The following PCDHA2 variants were observed in gnomAD, a reference collection of about 807,000 sequenced individuals.
PCDHA2 encodes the protein protocadherin alpha 2.
PCDHA2 carries 58 observed loss-of-function variants against 66.0 expected under a neutral mutation model. The observed-to-expected ratio is 0.88, with a 90% confidence interval of 0.71 to 1.09. The LOEUF (loss-of-function observed/expected upper bound fraction) is 1.09. Among genes scored for constraint, PCDHA2 ranks in the 50% least tolerant of loss-of-function variants. The pLI, the probability that PCDHA2 is intolerant of heterozygous loss-of-function variation, is 0.00. For missense variants in PCDHA2, 1,267 were observed against 1,242.3 expected, an observed-to-expected ratio of 1.02 and a Z score of -0.30; for synonymous variants, 634 against 554.0, an observed-to-expected ratio of 1.14 and a Z score of -2.03.
chr5:140,840,552 T>C (rs1158381714), intron 1 of PCDHA2, among the ~76,000 whole-genome samples: 1 of 152,052 alleles, frequency 6.6e-6, no homozygotes, highest in Non-Finnish European at 1.5e-5. Flanking sequence ...ATGATGGCAA[T>C]ACTGCTAGAG....
At chr5:140,976,423 T>C (rs1378184646) in intron 1 of PCDHA2, among the ~76,000 whole-genome samples, 22 of 151,886 alleles carry the variant, frequency 1.4e-4, no homozygotes, top group Admixed American at 1.3e-3. Context: ...CGGTGGCAGA[T>C]GCCTGTAATC....
chr5:140,975,156 G>A (rs1404839334), intron 1 of PCDHA2, among the ~76,000 whole-genome samples: 15 of 152,174 alleles, frequency 9.9e-5, no homozygotes, highest in Non-Finnish European at 2.1e-4. Context: ...AGTTCCTAGA[G>A]AACTGAGGAC....
intron 1 of PCDHA2, chr5:140,853,991 C>A: frequency 2.1e-6 from 1 of 473,788 alleles, no homozygotes; most frequent in Non-Finnish European, 2.8e-6. Context: ...TAGTGAGACT[C>A]ATCTCTGCCA....
In PCDHA2 at chr5:140,795,665, A is replaced by C; in HGVS notation, c.701A>C (p.Asp234Ala). ...GTTCAAATACTTATTAAGGTATTAG[A>C]TGTAAATGACAATGAACCAACTTTT... is the stretch of plus-strand genomic sequence containing the variant. ...GTVQILIKVL[D>A]VNDNEPTFAQ... is the part of the protein sequence containing the mutation. The change falls in exon 1 of 4, where the codon GAT becomes GCT. Residue 234 changes from aspartate (D) to alanine (A), a missense_variant. Transcript: ENST00000526136. 6.2e-7 allele frequency: 1 copy of C among 1,614,152 alleles called. No individual in the cohort carries two copies. The highest frequency in any genetic ancestry group is 1.3e-5 in the African/African-American group (1 of 75,054).
intron 1 of PCDHA2, among the ~76,000 whole-genome samples, chr5:140,959,996 A>T (rs1042631849): frequency 3.3e-5 from 5 of 152,228 alleles, no homozygotes; most frequent in Admixed American, 6.5e-5. Context: ...GATATGAAAT[A>T]CAAATCTATT....
chr5:140,809,491 C>A lies in PCDHA2; in HGVS notation c.2388+12139C>A, dbSNP rs782810628. 2.5e-6 allele frequency: 4 copies of A among 1,614,102 alleles called. No individual in the cohort carries two copies. The Admixed American group carries it at 5.0e-5, about 20-fold the overall frequency. ...CTGGTGAGGGCCCACCCAAGACCGA[C>A]CTCATGGCCTTCAGCCCCAGTTTAC... On this transcript the variant is annotated intron_variant, in intron 1 of 3. Coordinates refer to ENST00000526136, the MANE Select transcript of PCDHA2 (RefSeq NM_018905.3).
intron 1 of PCDHA2, chr5:140,824,267 G>A (rs1768069151): frequency 2.4e-6 from 3 of 1,253,012 alleles, no homozygotes; most frequent in Admixed American, 3.7e-5. Context: ...ACTAATTCAT[G>A]TATTATATGC....
At chr5:140,828,619 A>G in intron 1 of PCDHA2, 1 of 1,614,222 alleles carries the variant, frequency 6.2e-7, no homozygotes. Flanking sequence ...GTTCTAGCGA[A>G]TACTTCGGGC....
intron 1 of PCDHA2, chr5:140,927,699 G>A (rs155361): frequency 0.52 from 840,731 of 1,613,754 alleles, 221,277 homozygotes; most frequent in African/African-American, 0.71. Context: ...GGGAAGTCCA[G>A]TACTCCCTAA....
intron 1 of PCDHA2, chr5:140,929,124 C>T: frequency 6.2e-7 from 1 of 1,614,166 alleles, no homozygotes; most frequent in Non-Finnish European, 8.5e-7. Flanking sequence ...CCATAGATGT[C>T]ACTACAGTTG....
intron 1 of PCDHA2, among the ~76,000 whole-genome samples, chr5:140,972,712 G>T (rs1409880262): frequency 6.9e-6 from 1 of 144,630 alleles, no homozygotes; most frequent in East Asian, 2.0e-4. Context: ...TTGCCAGGCT[G>T]GAGTGCAGTG....
intron 1 of PCDHA2, among the ~76,000 whole-genome samples, chr5:140,961,550 CT>C (rs571779587): frequency 6.6e-6 from 1 of 152,032 alleles, no homozygotes; most frequent in Admixed American, 6.6e-5. Context: ...TGCAGCATTT[CT>C]TTTTTTAAAT....
chr5:140,842,128 G>C, intron 1 of PCDHA2: 1 of 1,613,840 alleles, frequency 6.2e-7, no homozygotes, highest in Non-Finnish European at 8.5e-7. Flanking sequence ...CTTCTGATCC[G>C]GATGAAGGAG....
Position 141,009,469 on chromosome 5 carries a change from A to G in PCDHA2, c.2537-158A>G, listed in dbSNP as rs1440766583. On this transcript the variant is annotated intron_variant, in intron 3 of 3. Transcript: ENST00000526136. Reference sequence around the variant, plus strand: ...AAAAAAATTAAACAAATAAATAAATAAGTAAACACTTGCCTTGCCCTCAGA... The same window carrying G: ...AAAAAAATTAAACAAATAAATAAATGAGTAAACACTTGCCTTGCCCTCAGA... 6 of 956,242 alleles carry G rather than the reference A, an allele frequency of 6.3e-6. No homozygotes were observed. The African/African-American group carries it at 7.1e-5, about 11-fold the overall frequency. 59.2% of individuals were successfully genotyped at this position (956,242 alleles called of 1,614,324 possible). A position where few individuals can be genotyped will look rare whatever the true frequency, so the allele number is the denominator to read the frequency against.
At chr5:140,833,795 C>G (rs959887752) in intron 1 of PCDHA2, among the ~76,000 whole-genome samples, 2 of 152,096 alleles carry the variant, frequency 1.3e-5, no homozygotes, top group African/African-American at 4.8e-5. Context: ...TTTCATCAAT[C>G]AGTAGATTCT....
At chr5:140,966,663 A>C in intron 1 of PCDHA2, 1 of 1,237,556 alleles carries the variant, frequency 8.1e-7, no homozygotes, top group East Asian at 3.0e-5. Context: ...GTGGGGGAGC[A>C]GGCGCAGGGT....
rs773891459 is a variant in PCDHA2, at chr5:140,856,191, C to T, written c.2388+58839C>T. The T allele has an allele frequency of 7.5e-6, 12 of 1,598,058 alleles. No homozygotes were observed. The South Asian group carries it at 1.2e-4, about 16-fold the overall frequency. On this transcript the variant is annotated intron_variant, in intron 1 of 3. Transcript: ENST00000526136. ...CACGGCACCTTCGTGGGCCGCATCG[C>T]GCAGGACCTGGGGCTGGAGCTGGCG...
chr5:140,827,773 C>T (rs1296750713), intron 1 of PCDHA2, among the ~76,000 whole-genome samples: 1 of 152,120 alleles, frequency 6.6e-6, no homozygotes, highest in East Asian at 1.9e-4. Context: ...TAAAAGAAGT[C>T]GGGATAACAC....
chr5:140,893,040 C>A (rs1554185508), intron 1 of PCDHA2, among the ~76,000 whole-genome samples: 1 of 152,226 alleles, frequency 6.6e-6, no homozygotes, highest in African/African-American at 2.4e-5. Flanking sequence ...AACATATGCC[C>A]TCCAGGCTCA....
Sources: allele counts gnomAD v4.1 joint callset (sites outside exome capture counted in the v4.1 genomes callset), GRCh38; gene constraint gnomAD v4.1.1; transcripts MANE v1.5; gene names NCBI Gene and HGNC (gene_info 2026-07-23, HGNC 2026-07-21).